Variants in GRID2 observed in about 807,000 individuals in gnomAD.
The protein encoded by GRID2 is glutamate receptor ionotropic, delta-2.
In GRID2, 33 loss-of-function variants were observed where a neutral mutation model predicts 114.8. That is an observed-to-expected ratio of 0.29 (90% CI 0.22 to 0.38). The LOEUF is 0.38. GRID2 is among the 10% of genes least tolerant of loss of function. GRID2 has a pLI of 1.00. For synonymous variants in GRID2, 505 were observed against 449.9 expected (o/e 1.12, Z -1.55); for missense variants, 1,184 against 1,257.7 (o/e 0.94, Z 0.89).
intron 2 of GRID2, among the ~76,000 whole-genome samples, chr4:92,641,771 C>T (rs745630434): frequency 4.9e-4 from 74 of 151,598 alleles, no homozygotes; most frequent in Admixed American, 9.9e-4. Flanking sequence ...GGTAGCTTTA[C>T]GATGCATGCC....
chr4:92,368,846 A>G (rs1369796494), intron 1 of GRID2, among the ~76,000 whole-genome samples: 1 of 151,924 alleles, frequency 6.6e-6, no homozygotes, highest in African/African-American at 2.4e-5. Flanking sequence ...AATGTGAACA[A>G]TTCCTAGGCT....
intron 14 of GRID2, among the ~76,000 whole-genome samples, chr4:93,732,584 T>A (rs1032580598): frequency 6.6e-6 from 1 of 152,276 alleles, no homozygotes; most frequent in African/African-American, 2.4e-5. Context: ...TTGTTGAATT[T>A]TTTTTAATGT....
chr4:93,668,592 T>C (rs1370368670), intron 14 of GRID2, among the ~76,000 whole-genome samples: 1 of 151,930 alleles, frequency 6.6e-6, no homozygotes, highest in Non-Finnish European at 1.5e-5. Context: ...AGTTGTCAGG[T>C]GAGAAAGAAG....
chr4:93,350,286 C>T (rs925552204), intron 8 of GRID2, among the ~76,000 whole-genome samples: 1 of 152,048 alleles, frequency 6.6e-6, no homozygotes, highest in African/African-American at 2.4e-5. Flanking sequence ...CTTTTCTCCC[C>T]AATCACTTCA....
chr4:93,543,038 A>T (rs1578223976), intron 13 of GRID2, among the ~76,000 whole-genome samples: 2 of 152,196 alleles, frequency 1.3e-5, no homozygotes, highest in Admixed American at 6.5e-5. Flanking sequence ...ATTTGCCAAA[A>T]TGCGAGTGGT....
chr4:93,780,916 GT>G (rs757256149), intron 1 of GRID2, among the ~76,000 whole-genome samples: 3 of 152,194 alleles, frequency 2.0e-5, no homozygotes, highest in East Asian at 3.9e-4. Flanking sequence ...ATTTCGGTAT[GT>G]GCTGAACTTC....
At chr4:92,711,615 C>T (rs1020460052) in intron 2 of GRID2, among the ~76,000 whole-genome samples, 2 of 152,118 alleles carry the variant, frequency 1.3e-5, no homozygotes, top group African/African-American at 2.4e-5. Flanking sequence ...TTAAAGAGTT[C>T]ATGTAGGCCT....
chr4:92,466,946 G>T (rs578213414), intron 1 of GRID2, among the ~76,000 whole-genome samples: 6 of 151,426 alleles, frequency 4.0e-5, no homozygotes, highest in Non-Finnish European at 8.9e-5. Flanking sequence ...CTTATTCCTC[G>T]AATTAACGGT....
intron 2 of GRID2, among the ~76,000 whole-genome samples, chr4:92,652,901 TA>T (rs1421259967): frequency 7.2e-6 from 1 of 138,452 alleles, no homozygotes; most frequent in Non-Finnish European, 1.6e-5. Flanking sequence ...TAAATACATA[TA>T]AATATATATT....
rs539420777 is a variant in GRID2 at position 93,188,729 on chromosome 4, A to G, written c.736-18675A>G. On this transcript the variant is annotated intron_variant, in intron 4 of 15. Transcript: ENST00000282020. ...TGTTTCTCTCTTCTTACATTTTACTATAAGCAATTTAGAGAAGCCATGCTA... is the reference window on the plus strand; with the variant it reads ...TGTTTCTCTCTTCTTACATTTTACTGTAAGCAATTTAGAGAAGCCATGCTA... Among the ~76,000 whole-genome samples, 103 of 152,220 alleles carry G rather than the reference A, an allele frequency of 6.8e-4. 3 individuals carry two copies. The South Asian group carries it at 0.013, about 20-fold the overall frequency.
chr4:93,387,752 C>G (rs1482573692), intron 8 of GRID2, among the ~76,000 whole-genome samples: 1 of 151,240 alleles, frequency 6.6e-6, no homozygotes, highest in African/African-American at 2.4e-5. Context: ...ATCGCTTGAA[C>G]CTGGGAGGCC....
chr4:93,286,632 G>A (rs1344294038), intron 8 of GRID2, among the ~76,000 whole-genome samples: 4 of 151,640 alleles, frequency 2.6e-5, no homozygotes, highest in Admixed American at 1.3e-4. Flanking sequence ...CATCACCTCC[G>A]GAAACTTCAA....
At chr4:93,327,905 A>G (rs1192069551) in intron 8 of GRID2, among the ~76,000 whole-genome samples, 1 of 152,174 alleles carries the variant, frequency 6.6e-6, no homozygotes, top group Non-Finnish European at 1.5e-5. Flanking sequence ...CGTGCCCACT[A>G]TCATACTAGT....
At chr4:92,882,209 C>A (rs963388836) in intron 2 of GRID2, among the ~76,000 whole-genome samples, 1 of 152,086 alleles carries the variant, frequency 6.6e-6, no homozygotes, top group African/African-American at 2.4e-5. Flanking sequence ...ATTGATGGAG[C>A]CTCATTTAGG....
At chr4:92,943,663 C>T (rs966596683) in intron 2 of GRID2, among the ~76,000 whole-genome samples, 5 of 152,116 alleles carry the variant, frequency 3.3e-5, no homozygotes, top group African/African-American at 9.7e-5. Context: ...CTCTGACTTT[C>T]AGAGTTTCCA....
chr4:93,035,658 A>G (rs940977736), intron 2 of GRID2, among the ~76,000 whole-genome samples: 1 of 151,798 alleles, frequency 6.6e-6, no homozygotes. Context: ...TCACTTCCAT[A>G]CTCACTTTGT....
At chr4:92,762,800 G>A (rs1179857071) in intron 2 of GRID2, among the ~76,000 whole-genome samples, 1 of 152,188 alleles carries the variant, frequency 6.6e-6, no homozygotes, top group Non-Finnish European at 1.5e-5. Flanking sequence ...TTTTTATCCT[G>A]TGATGTTGTG....
intron 4 of GRID2, among the ~76,000 whole-genome samples, chr4:93,147,231 A>G (rs890176081): frequency 6.6e-6 from 1 of 152,336 alleles, no homozygotes; most frequent in East Asian, 1.9e-4. Flanking sequence ...TTATCAGTGC[A>G]GCAGAGAGAA....
intron 2 of GRID2, among the ~76,000 whole-genome samples, chr4:92,685,844 A>G (rs1465115443): frequency 6.6e-6 from 1 of 152,046 alleles, no homozygotes; most frequent in African/African-American, 2.4e-5. Flanking sequence ...CACATTTTTG[A>G]AAATGCTAAT....
Sources: gnomAD v4.1 joint callset for allele counts (sites outside exome capture counted in the v4.1 genomes callset) on GRCh38, gnomAD v4.1.1 for gene constraint, MANE v1.5 for transcripts, NCBI Gene and HGNC (gene_info 2026-07-23, HGNC 2026-07-21) for gene names.